PCDHGA2: variants seen among roughly 807,000 people sequenced by gnomAD.
The protein encoded by PCDHGA2 is protocadherin gamma subfamily A, 2.
In PCDHGA2, 40 loss-of-function variants were observed where a neutral mutation model predicts 59.2. That is an observed-to-expected ratio of 0.68 (90% CI 0.52 to 0.88). The LOEUF (loss-of-function observed/expected upper bound fraction) is 0.88. PCDHGA2 is among the 40% of genes least tolerant of loss of function. PCDHGA2 has a pLI of 0.00. For synonymous variants in PCDHGA2, 560 were observed against 526.0 expected (o/e 1.06, Z -0.89); for missense variants, 1,226 against 1,204.0 (o/e 1.02, Z -0.27).
chr5:141,456,773 G>A (rs1178932462), intron 1 of PCDHGA2, among the ~76,000 whole-genome samples: 6 of 151,980 alleles, frequency 3.9e-5, no homozygotes, highest in African/African-American at 1.2e-4. Context: ...GACCAGCCTG[G>A]CCTACATGGC....
chr5:141,359,484 C>A (rs1229655985), intron 1 of PCDHGA2, among the ~76,000 whole-genome samples: 1 of 150,418 alleles, frequency 6.6e-6, no homozygotes, highest in Non-Finnish European at 1.5e-5. Flanking sequence ...GTTGTATATT[C>A]ATATTACGGA....
chr5:141,383,412 G>C (rs1417112594), intron 1 of PCDHGA2: 3 of 1,613,874 alleles, frequency 1.9e-6, no homozygotes, highest in East Asian at 2.2e-5. Context: ...AGAGTTACCA[G>C]CTCAGCCCCA....
At chr5:141,400,376 T>A in intron 1 of PCDHGA2, 1 of 1,614,070 alleles carries the variant, frequency 6.2e-7, no homozygotes, top group East Asian at 2.2e-5. Context: ...TCCTACAACC[T>A]ATGTGTTGCA....
intron 1 of PCDHGA2, among the ~76,000 whole-genome samples, chr5:141,463,209 A>G (rs1189251811): frequency 6.6e-6 from 1 of 152,140 alleles, no homozygotes; most frequent in African/African-American, 2.4e-5. Flanking sequence ...TTGGGGATCC[A>G]TATTAATATT....
Position 141,374,129 on chromosome 5 carries a change from C to T in PCDHGA2, c.2424+32734C>T. 4 of 1,603,566 alleles carry T rather than the reference C, an allele frequency of 2.5e-6. No individual in the cohort carries two copies. In the South Asian group the frequency reaches 4.4e-5, roughly 18 times the overall value. On this transcript the variant is annotated intron_variant, in intron 1 of 3. Transcript: ENST00000394576. ...TCCGCAGCGCAGCGAGCAGGTCCTG[C>T]TCCTCACGCTCCTGGGGACGCTGTG... is the stretch of plus-strand genomic sequence containing the variant.
chr5:141,430,276 G>C (rs2097271928), intron 1 of PCDHGA2, among the ~76,000 whole-genome samples: 1 of 151,720 alleles, frequency 6.6e-6, no homozygotes, highest in South Asian at 2.1e-4. Context: ...TGTGTTGGGG[G>C]AACAGTAATC....
Position 141,490,965 on chromosome 5 carries a change from C to G in PCDHGA2, c.2425-3842C>G. On this transcript the variant is annotated intron_variant, in intron 1 of 3. Coordinates refer to ENST00000394576, the MANE Select transcript of PCDHGA2 (RefSeq NM_018915.4). This position sits in a 1 kb window ranked among gnomAD's most constrained non-coding sequence, Gnocchi z 5.4. ...CACGGCCAGACTGGGAACACTCAGC[C>G]CCCCAGCGTCTCCCTCGCTCTGCTC... is the stretch of plus-strand genomic sequence containing the variant. 5 of 1,613,856 alleles carry G rather than the reference C, an allele frequency of 3.1e-6. No homozygotes were observed. The highest frequency in any genetic ancestry group is 3.3e-4 in the Middle Eastern group (2 of 6,062).
At chr5:141,351,871 G>T in intron 1 of PCDHGA2, 1 of 1,613,256 alleles carries the variant, frequency 6.2e-7, no homozygotes, top group Non-Finnish European at 8.5e-7. Context: ...GCTCCCCCGC[G>T]CTCAGCGCCA....
intron 1 of PCDHGA2, chr5:141,382,963 A>T (rs1778642004): frequency 6.2e-7 from 1 of 1,606,674 alleles, no homozygotes. Context: ...CCTCCTGGGG[A>T]CCCCCTGGGA....
rs776975666 is a variant in PCDHGA2 at position 141,432,850 on chromosome 5, G to A, written c.2425-61957G>A. The A allele has an allele frequency of 6.2e-7, 1 of 1,614,170 alleles. No homozygotes were observed. The highest frequency in any genetic ancestry group is 1.1e-5 in the South Asian group (1 of 91,088). ...TCACTCTGTACCTGGTGGTAGCGGT[G>A]GCCGCGGTCTCCTGCGTCTTCCTGG... is the stretch of plus-strand genomic sequence containing the variant. On this transcript the variant is annotated intron_variant, in intron 1 of 3. Coordinates refer to ENST00000394576, the MANE Select transcript of PCDHGA2 (RefSeq NM_018915.4). The surrounding 1 kb of genome is among the most constrained non-coding windows in gnomAD (Gnocchi z 6.0).
At position 141,339,777 on chromosome 5, in the gene PCDHGA2, C is replaced by T. The variant is rs1164402476; in HGVS notation, c.806C>T (p.Ala269Val). 2 of 1,614,184 alleles carry T rather than the reference C, an allele frequency of 1.2e-6. No homozygotes were observed. Among genetic ancestry groups the T allele is most frequent in the Admixed American group, 1.7e-5 (1 of 60,020 alleles). ...TRILTVTATD[A>V]DEGYYAQVVY... ...ATACTCACGGTGACCGCCACTGACG[C>T]AGATGAGGGCTACTACGCTCAAGTG... The change falls in exon 1 of 4, where the codon GCA becomes GTA. Residue 269 changes from alanine to valine, a missense_variant. Transcript: ENST00000394576.
chr5:141,420,009 A>T, intron 1 of PCDHGA2: 1 of 1,614,088 alleles, frequency 6.2e-7, no homozygotes, highest in Non-Finnish European at 8.5e-7. Context: ...CGCCTGCGAC[A>T]GTCTTTCAGC....
intron 1 of PCDHGA2, chr5:141,398,647 C>T: frequency 6.2e-7 from 1 of 1,614,070 alleles, no homozygotes; most frequent in Non-Finnish European, 8.5e-7. Context: ...TAAACTCTCT[C>T]TTAACCCAAG....
intron 1 of PCDHGA2, chr5:141,418,973 C>T: frequency 3.1e-6 from 5 of 1,613,916 alleles, no homozygotes; most frequent in Non-Finnish European, 3.4e-6. Context: ...CTTCAAAACA[C>T]GGGACCAAGA....
At chr5:141,394,785 G>C in intron 1 of PCDHGA2, 2 of 1,613,722 alleles carry the variant, frequency 1.2e-6, no homozygotes, top group South Asian at 2.2e-5. Flanking sequence ...CTCCGCCACT[G>C]TCACGCTCAC....
At chr5:141,360,409 C>A (rs890064560) in intron 1 of PCDHGA2, 2 of 1,613,722 alleles carry the variant, frequency 1.2e-6, no homozygotes, top group Non-Finnish European at 1.7e-6. Context: ...CAGAATAGAC[C>A]GAGAACAGAT....
intron 1 of PCDHGA2, chr5:141,402,906 C>T: frequency 1.3e-6 from 2 of 1,529,180 alleles, no homozygotes; most frequent in Non-Finnish European, 1.8e-6. Context: ...CCTGATGAAG[C>T]AGCGCGCACA....
chr5:141,415,654 A>G, intron 1 of PCDHGA2: 1 of 1,573,242 alleles, frequency 6.4e-7, no homozygotes. Flanking sequence ...AAAAAAAAAG[A>G]TTGGTTTTTA....
chr5:141,348,397 T>C (rs895476646), intron 1 of PCDHGA2, among the ~76,000 whole-genome samples: 3 of 152,148 alleles, frequency 2.0e-5, no homozygotes, highest in Non-Finnish European at 4.4e-5. Flanking sequence ...AGCATGACCC[T>C]GTCTCAAAAG....
Sources: gnomAD v4.1 joint callset for allele counts (sites outside exome capture counted in the v4.1 genomes callset) on GRCh38, gnomAD v4.1.1 for gene constraint, Gnocchi (gnomAD v3.1) non-coding constraint, MANE v1.5 for transcripts, NCBI Gene and HGNC (gene_info 2026-07-23, HGNC 2026-07-21) for gene names.